The following SMC5 variants were observed in gnomAD, a reference collection of about 807,000 sequenced individuals.
SMC5 encodes structural maintenance of chromosomes protein 5.
A neutral mutation model predicts 148.3 loss-of-function variants in SMC5; 88 were observed. The observed-to-expected ratio is 0.59, with a 90% CI of 0.50 to 0.71. The LOEUF (loss-of-function observed/expected upper bound fraction) is 0.71. SMC5 is among the 30% of genes least tolerant of loss of function. SMC5 has a pLI of 0.00. For synonymous variants in SMC5, 421 were observed against 432.8 expected (o/e 0.97, Z 0.34); for missense variants, 1,142 against 1,298.9 (o/e 0.88, Z 1.86).
In SMC5 at chr9:70,264,405, G is replaced by A; in HGVS notation, c.287G>A (p.Gly96Asp). 1 of 1,614,032 alleles carries A rather than the reference G, an allele frequency of 6.2e-7. No individual in the cohort carries two copies. The highest frequency in any genetic ancestry group is 8.5e-7 in the Non-Finnish European group (1 of 1,179,954). Reference sequence around the variant, plus strand: ...AGCATTGTGTGTGCCATTTGCCTTGGTTTAGCTGGAAAACCTGCTTTCATG... The same window carrying A: ...AGCATTGTGTGTGCCATTTGCCTTGATTTAGCTGGAAAACCTGCTTTCATG... Reference protein sequence around the residue: ...KSSIVCAICLGLAGKPAFMGR... With the variant: ...KSSIVCAICLDLAGKPAFMGR... Residue 96 changes from glycine (G) to aspartate (D), a missense_variant, in exon 2 of 25, where the codon GGT (glycine) becomes GAT (aspartate). This residue lies in a region of SMC5 where 297 missense variants were observed against 302.6 expected (regional missense o/e 0.98). Transcript: ENST00000361138.
intron 9 of SMC5, 77 bp downstream of exon 9, chr9:70,298,298 A>G (rs879194912): frequency 1.2e-5 from 17 of 1,449,376 alleles, no homozygotes; most frequent in Admixed American, 4.7e-5. Context: ...TTCTGCTTCT[A>G]TAATTATTTC....
chr9:70,307,671 T>G (rs1050971703), intron 11 of SMC5, among the ~76,000 whole-genome samples: 3 of 151,968 alleles, frequency 2.0e-5, no homozygotes, highest in Non-Finnish European at 2.9e-5. Flanking sequence ...CCCGGCTAAT[T>G]TTTTGTATTT....
intron 6 of SMC5, 72 bp from the exon 7 acceptor site, chr9:70,282,350 G>A (rs2034772337): frequency 1.4e-6 from 2 of 1,426,470 alleles, no homozygotes; most frequent in African/African-American, 3.0e-5. Flanking sequence ...GTTTCTGCCT[G>A]TATCTTGATT....
intron 18 of SMC5, among the ~76,000 whole-genome samples, chr9:70,345,149 TATAAA>T (rs959002388): frequency 3.0e-4 from 44 of 147,604 alleles, no homozygotes; most frequent in Middle Eastern, 7.0e-3. Context: ...ATTGTGTTGT[TATAAA>T]ATAAATATAA....
At chr9:70,316,828 T>C in intron 13 of SMC5, among the ~76,000 whole-genome samples, 1 of 152,240 alleles carries the variant, frequency 6.6e-6, no homozygotes, top group Non-Finnish European at 1.5e-5. Context: ...TTGACACTGC[T>C]GTTTGTACTA....
intron 8 of SMC5, among the ~76,000 whole-genome samples, chr9:70,294,243 C>A (rs1264874500): frequency 6.6e-6 from 1 of 152,116 alleles, no homozygotes; most frequent in Non-Finnish European, 1.5e-5. Flanking sequence ...GGTATGAACT[C>A]ATCTCAGAAA....
chr9:70,326,088 A>G (rs1351673871), intron 17 of SMC5, among the ~76,000 whole-genome samples: 2 of 152,184 alleles, frequency 1.3e-5, no homozygotes, highest in Non-Finnish European at 2.9e-5. Flanking sequence ...AAGGTCAAAC[A>G]TCAGTCATAT....
intron 3 of SMC5, among the ~76,000 whole-genome samples, chr9:70,272,721 T>C (rs986614164): frequency 1.3e-5 from 2 of 152,184 alleles, no homozygotes; most frequent in African/African-American, 4.8e-5. Context: ...AGAAGAGTTC[T>C]AAGAACGTAT....
Position 70,341,062 on chromosome 9 carries a change from TCACTAGTCTGACTTTA to T in SMC5, c.2398-3079_2398-3064del, listed in dbSNP as rs752039302. The stretch of plus-strand genomic sequence containing the variant: ...AAGCAGAAATGTAGATAAAGCCTTT[TCACTAGTCTGACTTTA>T]CAGCATTATCTGATATAATTATATA... On this transcript the variant is annotated intron_variant, in intron 17 of 24. Coordinates refer to ENST00000361138, the MANE Select transcript of SMC5 (RefSeq NM_015110.4). Among the ~76,000 whole-genome samples the T allele has an allele frequency of 1.1e-3, 162 of 152,260 alleles. 2 individuals carry two copies. Among genetic ancestry groups the T allele is most frequent in the Non-Finnish European group, 1.9e-3 (127 of 67,994 alleles).
At chr9:70,317,966 C>CTCTTCTCTCCTGG (rs59590622) in intron 13 of SMC5, among the ~76,000 whole-genome samples, 13,684 of 152,100 alleles carry the variant, frequency 0.09, 909 homozygotes, top group African/African-American at 0.19. Context: ...TTCTCTCCTG[C>CTCTTCTCTCCTGG]TATCTCTTCT....
At chr9:70,351,470 C>T (rs1418017027) in intron 24 of SMC5, among the ~76,000 whole-genome samples, 11 of 151,922 alleles carry the variant, frequency 7.2e-5, no homozygotes, top group Admixed American at 7.2e-4. Context: ...CTGTTAATAC[C>T]CTACTGCTTG....
chr9:70,259,957 T>G (rs1391037674), intron 1 of SMC5, among the ~76,000 whole-genome samples: 2 of 151,634 alleles, frequency 1.3e-5, no homozygotes, highest in Non-Finnish European at 1.5e-5. Context: ...TCTTTTTTTT[T>G]GAGACGGAGT....
chr9:70,306,166 A>G (rs1429425527), intron 11 of SMC5, among the ~76,000 whole-genome samples: 1 of 152,102 alleles, frequency 6.6e-6, no homozygotes, highest in East Asian at 1.9e-4. Context: ...TGTCTGTAAG[A>G]CTTCTTACTC....
chr9:70,313,767 T>C (rs1272707740), intron 11 of SMC5, among the ~76,000 whole-genome samples: 1 of 152,224 alleles, frequency 6.6e-6, no homozygotes, highest in Non-Finnish European at 1.5e-5. Flanking sequence ...CCCAAAGTGC[T>C]GCGATTACAG....
chr9:70,309,784 T>G (rs995719224), intron 11 of SMC5, among the ~76,000 whole-genome samples: 6 of 152,218 alleles, frequency 3.9e-5, no homozygotes, highest in Admixed American at 3.9e-4. Flanking sequence ...TTCAAACTTC[T>G]GTTAATGTTG....
At chr9:70,329,919 G>A (rs1040616625) in intron 17 of SMC5, among the ~76,000 whole-genome samples, 18 of 152,274 alleles carry the variant, frequency 1.2e-4, no homozygotes, top group East Asian at 1.9e-4. Context: ...AGGTGAAGAG[G>A]AATCAGGCAC....
At chr9:70,315,239 A>C (rs1293698802) in intron 12 of SMC5, among the ~76,000 whole-genome samples, 1 of 151,974 alleles carries the variant, frequency 6.6e-6, no homozygotes, top group East Asian at 1.9e-4. Context: ...ATTTAAAAAG[A>C]GTAGTTTGTA....
At chr9:70,318,455 A>T in intron 13 of SMC5, 59 bp from the exon 14 acceptor site, 1 of 1,275,924 alleles carries the variant, frequency 7.8e-7, no homozygotes, top group Non-Finnish European at 1.1e-6. Flanking sequence ...TTTCTAATTT[A>T]GTACTTTAAA....
intron 15 of SMC5, among the ~76,000 whole-genome samples, chr9:70,322,260 T>G (rs1470409698): frequency 6.6e-6 from 1 of 152,244 alleles, no homozygotes; most frequent in Non-Finnish European, 1.5e-5. Context: ...TTCATTCCTA[T>G]TCAATCTTCT....
Sources: allele counts gnomAD v4.1 joint callset (sites outside exome capture counted in the v4.1 genomes callset), GRCh38; gene constraint gnomAD v4.1.1; regional missense constraint gnomAD v4.1.1; transcripts MANE v1.5; gene names NCBI Gene and HGNC (gene_info 2026-07-23, HGNC 2026-07-21).